The following CNTNAP2 variants were observed in gnomAD, a reference collection of about 807,000 sequenced individuals.
The protein encoded by CNTNAP2 is contactin associated protein 2.
In CNTNAP2, 98 loss-of-function variants were observed where a neutral mutation model predicts 155.2. That is an observed-to-expected ratio of 0.63 (90% CI 0.54 to 0.75). CNTNAP2 has a LOEUF of 0.75. Ranked by LOEUF, CNTNAP2 falls within the 30% of genes least tolerant of loss-of-function variation. CNTNAP2 has a pLI of 0.00. For synonymous variants in CNTNAP2, 651 were observed against 631.2 expected, an observed-to-expected ratio of 1.03 and a Z score of -0.47; for missense variants, 1,727 against 1,688.1, an observed-to-expected ratio of 1.02 and a Z score of -0.40.
intron 3 of CNTNAP2, among the ~76,000 whole-genome samples, chr7:147,003,428 A>G (rs1798466157): frequency 6.6e-6 from 1 of 152,052 alleles, no homozygotes; most frequent in Non-Finnish European, 1.5e-5. Context: ...AATTTTGAAT[A>G]ATACTTGCAA....
At chr7:146,818,181 T>C (rs1413524580) in intron 2 of CNTNAP2, among the ~76,000 whole-genome samples, 2 of 152,190 alleles carry the variant, frequency 1.3e-5, no homozygotes, top group East Asian at 3.9e-4. Flanking sequence ...TTAATAGGTT[T>C]ATGAATTGGC....
At chr7:147,309,812 T>G (rs1232020895) in intron 9 of CNTNAP2, among the ~76,000 whole-genome samples, 1 of 152,176 alleles carries the variant, frequency 6.6e-6, no homozygotes, top group African/African-American at 2.4e-5. Context: ...GGGGGTTTGA[T>G]GTACAGATTA....
intron 15 of CNTNAP2, among the ~76,000 whole-genome samples, chr7:147,986,180 G>A (rs971711649): frequency 9.9e-5 from 15 of 152,070 alleles, no homozygotes; most frequent in Admixed American, 9.8e-4. Context: ...TGTATTACCA[G>A]CATAGAGGAC....
intron 15 of CNTNAP2, among the ~76,000 whole-genome samples, chr7:148,045,847 G>GT (rs1484861967): frequency 6.6e-6 from 1 of 152,130 alleles, no homozygotes; most frequent in Non-Finnish European, 1.5e-5. Context: ...GGTGTCAGAA[G>GT]TAAGACACAT....
At chr7:146,945,442 A>G (rs1160339703) in intron 3 of CNTNAP2, among the ~76,000 whole-genome samples, 1 of 152,210 alleles carries the variant, frequency 6.6e-6, no homozygotes, top group East Asian at 1.9e-4. Context: ...ATGGTTAGTC[A>G]AATCTTGAAT....
intron 13 of CNTNAP2, among the ~76,000 whole-genome samples, chr7:147,800,366 AT>A (rs369053565): frequency 4.7e-4 from 71 of 150,342 alleles, no homozygotes; most frequent in Middle Eastern, 3.4e-3. Context: ...AGGAAATGAG[AT>A]TTTTTTTTTG....
intron 13 of CNTNAP2, among the ~76,000 whole-genome samples, chr7:147,873,349 A>G (rs569205003): frequency 3.9e-5 from 6 of 152,256 alleles, no homozygotes; most frequent in Non-Finnish European, 8.8e-5. Flanking sequence ...TTATAAAGGA[A>G]AGAGGTTTAA....
At position 147,887,641 on chromosome 7, in the gene CNTNAP2, C is replaced by A. The variant is rs575745495; in HGVS notation, c.2099-15924C>A. Among the ~76,000 whole-genome samples the A allele has an allele frequency of 3.5e-3, 532 of 152,258 alleles. 5 individuals are homozygous for A. Among genetic ancestry groups the A allele is most frequent in the African/African-American group, 0.012 (483 of 41,556 alleles). Reference sequence around the variant, plus strand: ...CCTAAAGGCTTCTGTCAGTTCCATGCAACCAGCAGCTTTTCTTTCAGTGGC... The same window carrying A: ...CCTAAAGGCTTCTGTCAGTTCCATGAAACCAGCAGCTTTTCTTTCAGTGGC... On this transcript the variant is annotated intron_variant, in intron 13 of 23. Transcript: ENST00000361727.
intron 4 of CNTNAP2, chr7:147,085,688 G>A (rs1371648948): frequency 6.6e-6 from 1 of 152,178 alleles, no homozygotes; most frequent in Non-Finnish European, 1.5e-5. Flanking sequence ...TTTACTGTGT[G>A]TTACCTGGCC....
intron 8 of CNTNAP2, among the ~76,000 whole-genome samples, chr7:147,209,632 A>G (rs927322039): frequency 6.6e-6 from 1 of 151,854 alleles, no homozygotes; most frequent in African/African-American, 2.4e-5. Context: ...TTATATAGGA[A>G]TGGTGAAAGT....
intron 1 of CNTNAP2, among the ~76,000 whole-genome samples, chr7:146,199,273 A>G (rs1171958264): frequency 3.3e-5 from 5 of 152,164 alleles, no homozygotes; most frequent in African/African-American, 1.2e-4. Flanking sequence ...ATTTTAGTAG[A>G]GAAATAGCAG....
chr7:147,218,713 G>A (rs1803329310), intron 8 of CNTNAP2, among the ~76,000 whole-genome samples: 2 of 152,050 alleles, frequency 1.3e-5, no homozygotes, highest in Admixed American at 6.5e-5. Context: ...GTTGGATAAA[G>A]TAGTCTGTAG....
intron 1 of CNTNAP2, among the ~76,000 whole-genome samples, chr7:146,681,650 T>A (rs58404206): frequency 0.032 from 2,300 of 71,342 alleles, 71 homozygotes; most frequent in African/African-American, 0.09. Flanking sequence ...AAGAGAGGAA[T>A]GGGAAAAATA....
At chr7:148,181,998 C>T (rs539977409) in intron 18 of CNTNAP2, among the ~76,000 whole-genome samples, 1 of 151,324 alleles carries the variant, frequency 6.6e-6, no homozygotes, top group African/African-American at 2.4e-5. Context: ...ACCTCGTGAT[C>T]CGCCCGCCTC....
chr7:147,749,576 T>C (rs1310996043), intron 13 of CNTNAP2, among the ~76,000 whole-genome samples: 1 of 152,152 alleles, frequency 6.6e-6, no homozygotes, highest in East Asian at 1.9e-4. Context: ...CCTTACTGTT[T>C]CCCAAAAATG....
chr7:147,004,655 C>T (rs752468035), intron 3 of CNTNAP2, among the ~76,000 whole-genome samples: 1 of 151,882 alleles, frequency 6.6e-6, no homozygotes, highest in East Asian at 1.9e-4. Flanking sequence ...AGTTAATATT[C>T]CTGATAAGAT....
chr7:148,111,157 A>T (rs866159750), intron 15 of CNTNAP2, among the ~76,000 whole-genome samples: 12 of 152,202 alleles, frequency 7.9e-5, no homozygotes, highest in South Asian at 2.1e-4. Context: ...GTATAAACAG[A>T]CAGGTGAGAG....
intron 12 of CNTNAP2, among the ~76,000 whole-genome samples, chr7:147,585,049 C>CCCACAG (rs1461947407): frequency 6.6e-6 from 1 of 152,118 alleles, no homozygotes; most frequent in Admixed American, 6.6e-5. Flanking sequence ...CTCTGTGTTG[C>CCCACAG]CCACAGCCTT....
At chr7:146,442,074 T>C (rs1796327889) in intron 1 of CNTNAP2, among the ~76,000 whole-genome samples, 1 of 151,672 alleles carries the variant, frequency 6.6e-6, no homozygotes, top group Non-Finnish European at 1.5e-5. Flanking sequence ...TTTCAAATGT[T>C]GTTTGTGTAT....
Sources: allele counts gnomAD v4.1 joint callset (sites outside exome capture counted in the v4.1 genomes callset), GRCh38; gene constraint gnomAD v4.1.1; transcripts MANE v1.5; gene names NCBI Gene and HGNC (gene_info 2026-07-23, HGNC 2026-07-21).